Variants in EWSR1 observed in about 807,000 individuals in gnomAD.
EWSR1 encodes RNA-binding protein EWS.
A neutral mutation model predicts 92.1 loss-of-function variants in EWSR1; 14 were observed. That is an observed-to-expected ratio of 0.15 (90% CI 0.10 to 0.24). The LOEUF is 0.24. Among genes scored for constraint, EWSR1 ranks in the 10% least tolerant of loss-of-function variants. The pLI, the probability that EWSR1 is intolerant of heterozygous loss-of-function variation, is 1.00. For synonymous variants in EWSR1, 303 were observed against 292.9 expected (o/e 1.03, Z -0.35); for missense variants, 637 against 870.9 (o/e 0.73, Z 3.38).
In EWSR1 at chr22:29,282,566, A is replaced by G. The variant is rs764521334; in HGVS notation, c.581+9A>G. On this transcript the variant is annotated intron_variant, in intron 6 of 16. Coordinates refer to ENST00000397938, the MANE Select transcript of EWSR1 (RefSeq NM_005243.4). ...TCCTACCCTCCTACCAGGTCAGTCT[A>G]CTTTTTGTGGCAAAACAAAAACAGT... 4.3e-5 allele frequency: 64 copies of G among 1,497,024 alleles called. No individual in the cohort carries two copies. The highest frequency in any genetic ancestry group is 1.8e-4 in the Middle Eastern group (1 of 5,660). 92.7% of individuals were successfully genotyped at this position (1,497,024 alleles called of 1,614,324 possible).
intron 6 of EWSR1, among the ~76,000 whole-genome samples, chr22:29,283,217 GTT>G (rs982033245): frequency 4.6e-5 from 7 of 152,212 alleles, no homozygotes; most frequent in African/African-American, 1.7e-4. Context: ...CCCCAATGCA[GTT>G]AGGATAAGTA....
intron 6 of EWSR1, among the ~76,000 whole-genome samples, chr22:29,285,969 C>G (rs2059992242): frequency 6.6e-6 from 1 of 151,978 alleles, no homozygotes; most frequent in South Asian, 2.1e-4. Context: ...TCCCCAGTAG[C>G]TGGGACTACA....
In EWSR1 at chr22:29,300,152, G is replaced by A. The variant is rs763891504; in HGVS notation, c.1962G>A (p.Arg654=). The change falls in exon 17 of 17, where the codon CGG becomes CGA. Residue 654 remains arginine (R), a synonymous_variant. Transcript: ENST00000397938. ...AGCACCGTCAGGAGCGCAGAGATCGGCCCTACTAGATGCAGAGACCCCGCA... is the reference window on the plus strand; with the variant it reads ...AGCACCGTCAGGAGCGCAGAGATCGACCCTACTAGATGCAGAGACCCCGCA... ...KGEHRQERRD[R]PY is the part of the protein sequence containing the mutation. 1.9e-6 allele frequency: 3 copies of A among 1,603,896 alleles called. No individual in the cohort carries two copies. Among genetic ancestry groups the A allele is most frequent in the East Asian group, 4.5e-5 (2 of 44,568 alleles).
At chr22:29,277,960 T>G in intron 4 of EWSR1, 70 bp from the exon 5 acceptor site, 1 of 1,379,888 alleles carries the variant, frequency 7.2e-7, no homozygotes, top group Non-Finnish European at 1.0e-6. Context: ...TTACAAATTG[T>G]TCTGATAATG....
rs2058282290 is a variant in EWSR1 at position 29,268,283 on chromosome 22, G to A, written c.-54G>A. 6.2e-7 allele frequency: 1 copy of A among 1,604,760 alleles called. No individual in the cohort carries two copies. The highest frequency in any genetic ancestry group is 1.7e-5 in the Admixed American group (1 of 60,006). On this transcript the variant is annotated 5_prime_UTR_variant, in exon 1 of 17. Transcript: ENST00000397938. ...TTGCGCCTGCGCAGTGCGGCGCCTAGAGGGAAAGCGAGAGGGAGACGGACG... is the reference window on the plus strand; with the variant it reads ...TTGCGCCTGCGCAGTGCGGCGCCTAAAGGGAAAGCGAGAGGGAGACGGACG...
chr22:29,291,954 A>G, intron 9 of EWSR1, 183 bp from the exon 10 acceptor site: 1 of 628,298 alleles, frequency 1.6e-6, no homozygotes, highest in Non-Finnish European at 2.8e-6. Context: ...GAAAAAAGCA[A>G]ACCCTAGCAA....
rs2060101914 is a variant in EWSR1 at position 29,287,080 on chromosome 22, T to C, written c.739T>C (p.Tyr247His). ...TAGTTACCCACCCCAAACTGGATCC[T>C]ACAGCCAAGCTCCAAGTCAATATAG... ...PTSYPPQTGSYSQAPSQYSQQ... is the reference protein window; with the variant it reads ...PTSYPPQTGSHSQAPSQYSQQ... Residue 247 changes from tyrosine to histidine, a missense_variant, in exon 7 of 17, where the codon TAC (tyrosine) becomes CAC (histidine). This residue lies in a region of EWSR1 where 116 missense variants were observed against 167.8 expected (regional missense o/e 0.69). Coordinates refer to ENST00000397938, the MANE Select transcript of EWSR1 (RefSeq NM_005243.4). The C allele has an allele frequency of 6.2e-7, 1 of 1,613,468 alleles. No homozygotes were observed. The highest frequency in any genetic ancestry group is 8.5e-7 in the Non-Finnish European group (1 of 1,179,662).
At chr22:29,298,019 T>C in intron 13 of EWSR1, 70 bp downstream of exon 13, 1 of 1,481,906 alleles carries the variant, frequency 6.7e-7, no homozygotes, top group African/African-American at 1.4e-5. Flanking sequence ...AGAAACTTGA[T>C]TATTAGAGTG....
At chr22:29,272,511 T>G in intron 3 of EWSR1, 80 bp downstream of exon 3, 1 of 1,396,152 alleles carries the variant, frequency 7.2e-7, no homozygotes, top group Non-Finnish European at 1.0e-6. Flanking sequence ...AGTTATCCAG[T>G]AAAACAAATG....
rs2059183566 is a variant in EWSR1 at position 29,277,096 on chromosome 22, T to TG, written c.227-933dup. The TG allele has an allele frequency of 2.6e-5, 6 of 228,910 alleles. No individual in the cohort carries two copies. In the Admixed American group the frequency reaches 3.4e-4, roughly 13 times the overall value. The allele number at this position is 228,910 out of a possible 1,614,324, so 14.2% of individuals were successfully genotyped here. A position where few individuals can be genotyped will look rare whatever the true frequency, so the allele number is the denominator to read the frequency against. ...GTCCCGAAGGGAAAGGCATGGATCCTGCCTGGTCTGGCAGAGGCAGGAGCT... is the reference window on the plus strand; with the variant it reads ...GTCCCGAAGGGAAAGGCATGGATCCTGGCCTGGTCTGGCAGAGGCAGGAGCT... On this transcript the variant is annotated intron_variant, in intron 4 of 16. Coordinates refer to ENST00000397938, the MANE Select transcript of EWSR1 (RefSeq NM_005243.4).
intron 11 of EWSR1, 109 bp from the exon 12 acceptor site, chr22:29,296,130 G>A: frequency 1.9e-6 from 2 of 1,065,720 alleles, no homozygotes; most frequent in South Asian, 1.6e-5. Context: ...GTGACATTTA[G>A]TGACTTACTA....
At chr22:29,288,992 T>G (rs1306571912) in intron 8 of EWSR1, 1 of 520,830 alleles carries the variant, frequency 1.9e-6, no homozygotes, top group Non-Finnish European at 3.3e-6. Context: ...GCCAGTATAC[T>G]TCGTTGGGTC....
At chr22:29,296,071 A>G (rs2060836309) in intron 11 of EWSR1, 168 bp from the exon 12 acceptor site, 2 of 687,584 alleles carry the variant, frequency 2.9e-6, no homozygotes, top group South Asian at 2.0e-5. Flanking sequence ...AAGCAGGGAT[A>G]GAGGAGAAAA....
In EWSR1 at chr22:29,298,099, A is replaced by G. The variant is rs148922651; in HGVS notation, c.1417+150A>G. On this transcript the variant is annotated intron_variant, in intron 13 of 16. Coordinates refer to ENST00000397938, the MANE Select transcript of EWSR1 (RefSeq NM_005243.4). ...AGCTAACAATGAATGTTTGTTGGGA[A>G]TAAAAGGAAGAGAAGAACATGGGAG... 129 of 987,652 alleles carry G rather than the reference A, an allele frequency of 1.3e-4. No homozygotes were observed. In the African/African-American group the frequency reaches 1.8e-3, roughly 14 times the overall value. The allele number at this position is 987,652 out of a possible 1,614,324, so 61.2% of individuals were successfully genotyped here.
Position 29,298,817 on chromosome 22 carries a change from G to A in EWSR1, c.1502G>A (p.Gly501Glu). 6.2e-7 allele frequency: 1 copy of A among 1,603,490 alleles called. No homozygotes were observed. Among genetic ancestry groups the A allele is most frequent in the Non-Finnish European group, 8.5e-7 (1 of 1,177,008 alleles). Residue 501 changes from glycine to glutamate, a missense_variant, in exon 14 of 17, where the codon GGA (glycine) becomes GAA (glutamate). Transcript: ENST00000397938. ...GATAGAGGAGGCTTCCCTCCAAGAG[G>A]ACCCCGGGGTTCCCGAGGGAACCCC... The part of the protein sequence containing the change: ...GGDRGGFPPR[G>E]PRGSRGNPSG...
intron 5 of EWSR1, 66 bp from the exon 6 acceptor site, chr22:29,282,323 GT>G: frequency 7.5e-7 from 1 of 1,325,558 alleles, no homozygotes; most frequent in Non-Finnish European, 1.0e-6. Flanking sequence ...TTACCCAGGA[GT>G]TTTGTGGTTG....
intron 7 of EWSR1, among the ~76,000 whole-genome samples, chr22:29,288,401 A>G (rs1032342070): frequency 2.0e-5 from 3 of 152,210 alleles, no homozygotes; most frequent in African/African-American, 7.2e-5. Flanking sequence ...TAGGCTAACT[A>G]TATAAGGTTA....
intron 5 of EWSR1, among the ~76,000 whole-genome samples, chr22:29,281,576 AT>A: frequency 6.6e-6 from 1 of 151,728 alleles, no homozygotes; most frequent in Middle Eastern, 3.2e-3. Context: ...AAGTGCTGGG[AT>A]TTTTTTTGTT....
intron 13 of EWSR1, among the ~76,000 whole-genome samples, chr22:29,298,423 TTGAATC>T (rs1443663034): frequency 6.6e-6 from 1 of 151,752 alleles, no homozygotes; most frequent in Non-Finnish European, 1.5e-5. Context: ...GGAGAATTGT[TTGAATC>T]TGGGGGGGTG....
Sources: gnomAD v4.1 joint callset for allele counts (sites outside exome capture counted in the v4.1 genomes callset) on GRCh38, gnomAD v4.1.1 for gene constraint, gnomAD v4.1.1 regional missense constraint, MANE v1.5 for transcripts, NCBI Gene and HGNC (gene_info 2026-07-23, HGNC 2026-07-21) for gene names.